The following ABAT variants were observed in gnomAD, a reference collection of about 807,000 sequenced individuals.
ABAT encodes the protein 4-aminobutyrate aminotransferase, mitochondrial.
In ABAT, 45 loss-of-function variants were observed where a neutral mutation model predicts 64.6. The ratio of observed to expected loss-of-function variants is 0.70; its 90% CI spans 0.55 to 0.89. The LOEUF is 0.89. ABAT is among the 40% of genes least tolerant of loss of function. The probability of loss-of-function intolerance (pLI) is 0.00; values close to 1 mark genes in which losing one functional copy is unlikely to be tolerated. For missense variants in ABAT, 633 were observed against 658.4 expected (o/e 0.96, Z 0.42); for synonymous variants, 297 against 250.5 (o/e 1.19, Z -1.75).
At chr16:8,675,214 G>C (rs889463001) in intron 1 of ABAT, among the ~76,000 whole-genome samples, 6 of 151,880 alleles carry the variant, frequency 4.0e-5, no homozygotes, top group African/African-American at 1.5e-4. Context: ...GACTCTGCAA[G>C]TCACCCTCCC....
intron 1 of ABAT, among the ~76,000 whole-genome samples, chr16:8,676,989 A>T (rs1371281725): frequency 6.6e-6 from 1 of 152,190 alleles, no homozygotes; most frequent in African/African-American, 2.4e-5. Flanking sequence ...CCCAGTTCCC[A>T]GCTAAAGGAT....
At chr16:8,765,950 C>T (rs1018198509) in intron 8 of ABAT, 10 of 425,094 alleles carry the variant, frequency 2.4e-5, no homozygotes, top group East Asian at 1.5e-4. Flanking sequence ...AAACATGCAA[C>T]GCTCTCAGCA....
intron 1 of ABAT, among the ~76,000 whole-genome samples, chr16:8,732,271 G>A (rs1298882817): frequency 6.8e-6 from 1 of 146,432 alleles, no homozygotes; most frequent in Non-Finnish European, 1.5e-5. Context: ...TCTCACAGAG[G>A]GGGATTTGGC....
chr16:8,749,487 C>G (rs1023381049), intron 4 of ABAT, among the ~76,000 whole-genome samples: 10 of 146,452 alleles, frequency 6.8e-5, no homozygotes, highest in African/African-American at 2.3e-4. Flanking sequence ...CAACATCCGC[C>G]TCCTGGGTTC....
intron 3 of ABAT, among the ~76,000 whole-genome samples, chr16:8,747,250 T>A (rs2059360288): frequency 6.6e-6 from 1 of 152,220 alleles, no homozygotes; most frequent in Non-Finnish European, 1.5e-5. Flanking sequence ...AGAGATCAAA[T>A]GCCCACCTTT....
At chr16:8,768,090 G>T (rs1024424010) in intron 9 of ABAT, 103 bp from the exon 10 acceptor site, 12 of 1,275,148 alleles carry the variant, frequency 9.4e-6, no homozygotes, top group Non-Finnish European at 1.3e-5. Context: ...AGGATTCCTG[G>T]TTCTTCTGAT....
At position 8,766,792 on chromosome 16, in the gene ABAT, A is replaced by C. The variant is rs1273190696; in HGVS notation, c.603+522A>C. Among the ~76,000 whole-genome samples the C allele has an allele frequency of 2.0e-5, 3 of 152,214 alleles. No individual in the cohort carries two copies. In the East Asian group the frequency reaches 5.8e-4, roughly 29 times the overall value. Reference sequence around the variant, plus strand: ...CAGACCAGCCTGGCCAATATGGCGAAACCCTGTCTCTACTAAAAATACAAA... The same window carrying C: ...CAGACCAGCCTGGCCAATATGGCGACACCCTGTCTCTACTAAAAATACAAA... On this transcript the variant is annotated intron_variant, in intron 9 of 15. Coordinates refer to ENST00000268251, the MANE Select transcript of ABAT (RefSeq NM_020686.6).
At chr16:8,702,721 A>G (rs2057853241) in intron 1 of ABAT, among the ~76,000 whole-genome samples, 1 of 151,208 alleles carries the variant, frequency 6.6e-6, no homozygotes, top group Non-Finnish European at 1.5e-5. Flanking sequence ...TGGGTGGGAC[A>G]TGGATCCAAA....
intron 2 of ABAT, among the ~76,000 whole-genome samples, chr16:8,744,371 A>T (rs1188046580): frequency 6.7e-6 from 1 of 150,260 alleles, no homozygotes; most frequent in Non-Finnish European, 1.5e-5. Flanking sequence ...GGAGCCACAC[A>T]TTTTTTTTTC....
At position 8,692,029 on chromosome 16, in the gene ABAT, C is replaced by T. The variant is rs190731940; in HGVS notation, c.-42+17318C>T. ...CTTGTCCCTGGTGACTGGTTCTTAT[C>T]GGGCTTCTGAACTTTCCTTCCAGTA... On this transcript the variant is annotated intron_variant, in intron 1 of 15. Transcript: ENST00000268251. 9.2e-5 allele frequency among the ~76,000 whole-genome samples: 14 copies of T among 152,272 alleles called. No homozygotes were observed. The East Asian group carries it at 1.4e-3, about 15-fold the overall frequency.
intron 6 of ABAT, among the ~76,000 whole-genome samples, chr16:8,761,200 C>G (rs1381668498): frequency 7.1e-6 from 1 of 140,812 alleles, no homozygotes; most frequent in East Asian, 2.5e-4. Flanking sequence ...CCCCCCATCA[C>G]CTTTCACCTC....
Position 8,735,716 on chromosome 16 carries a change from G to T in ABAT, c.-24G>T. 1.3e-6 allele frequency: 2 copies of T among 1,583,114 alleles called. No individual in the cohort carries two copies. The highest frequency in any genetic ancestry group is 1.3e-5 in the African/African-American group (1 of 74,690). Reference sequence around the variant, plus strand: ...TCTTTCAGGGTGGCAGCACGCAAAGGGTGTCCCTGTCCCTCAAGGGGTCAT... The same window carrying T: ...TCTTTCAGGGTGGCAGCACGCAAAGTGTGTCCCTGTCCCTCAAGGGGTCAT... On this transcript the variant is annotated 5_prime_UTR_variant, in exon 2 of 16. Transcript: ENST00000268251.
intron 2 of ABAT, among the ~76,000 whole-genome samples, chr16:8,740,002 G>T (rs2059117040): frequency 6.6e-6 from 1 of 151,100 alleles, no homozygotes; most frequent in Non-Finnish European, 1.5e-5. Context: ...CTCGTACACT[G>T]CTATTAGGCA....
At chr16:8,749,649 G>C (rs949565045) in intron 4 of ABAT, among the ~76,000 whole-genome samples, 2 of 151,860 alleles carry the variant, frequency 1.3e-5, no homozygotes, top group Non-Finnish European at 2.9e-5. Context: ...ACCTGCCTCA[G>C]CTTCCCAAAG....
intron 1 of ABAT, among the ~76,000 whole-genome samples, chr16:8,696,781 G>A (rs1051775886): frequency 2.0e-5 from 3 of 152,314 alleles, no homozygotes; most frequent in Non-Finnish European, 4.4e-5. Context: ...GGGCAGATTG[G>A]AGAAGCCTGG....
rs190238634 is a variant in ABAT at position 8,703,226 on chromosome 16, C to T, written c.-42+28515C>T. 4.6e-5 allele frequency among the ~76,000 whole-genome samples: 7 copies of T among 152,122 alleles called. No homozygotes were observed. The East Asian group carries it at 1.4e-3, about 29-fold the overall frequency. ...CTCTGGGAGGCTGAGGTGGGTGGATCACCTGAGGTCAAGAGTTCAAGACCA... is the reference window on the plus strand; with the variant it reads ...CTCTGGGAGGCTGAGGTGGGTGGATTACCTGAGGTCAAGAGTTCAAGACCA... On this transcript the variant is annotated intron_variant, in intron 1 of 15. Transcript: ENST00000268251.
At chr16:8,698,494 C>A (rs1013545876) in intron 1 of ABAT, among the ~76,000 whole-genome samples, 4 of 152,148 alleles carry the variant, frequency 2.6e-5, no homozygotes, top group African/African-American at 9.7e-5. Flanking sequence ...CCGCCACACC[C>A]AGCTAATTCT....
intron 1 of ABAT, among the ~76,000 whole-genome samples, chr16:8,733,237 G>A (rs1225868219): frequency 3.3e-5 from 5 of 151,220 alleles, no homozygotes; most frequent in African/African-American, 1.2e-4. Flanking sequence ...CAGACGGGGC[G>A]GCCGGGCAGA....
At chr16:8,778,789 C>A (rs560728411) in intron 14 of ABAT, among the ~76,000 whole-genome samples, 10,946 of 146,840 alleles carry the variant, frequency 0.075, 492 homozygotes, top group Middle Eastern at 0.13. Flanking sequence ...AAAAAAAAAA[C>A]AAAAAACAAA....
Sources: gnomAD v4.1 joint callset for allele counts (sites outside exome capture counted in the v4.1 genomes callset) on GRCh38, gnomAD v4.1.1 for gene constraint, MANE v1.5 for transcripts, NCBI Gene and HGNC (gene_info 2026-07-23, HGNC 2026-07-21) for gene names.